The following SLC1A2 variants were observed in gnomAD, a reference collection of about 807,000 sequenced individuals.
The protein encoded by SLC1A2 is excitatory amino acid transporter 2.
Under a neutral mutation model 48.8 loss-of-function variants are expected in SLC1A2, and 15 were observed. The ratio of observed to expected loss-of-function variants is 0.31; its 90% CI spans 0.21 to 0.47. The LOEUF (loss-of-function observed/expected upper bound fraction) is 0.47, where lower values mean the gene tolerates loss of function less well. SLC1A2 is among the 20% of genes least tolerant of loss of function. SLC1A2 has a pLI of 0.99. For missense variants in SLC1A2, 502 were observed against 730.5 expected (o/e 0.69, Z 3.61); for synonymous variants, 279 against 272.6 (o/e 1.02, Z -0.23).
chr11:35,310,227 C>A (rs150495848), intron 4 of SLC1A2, among the ~76,000 whole-genome samples: 5 of 152,336 alleles, frequency 3.3e-5, no homozygotes, highest in African/African-American at 1.2e-4. Flanking sequence ...CCCTCCTATG[C>A]TCCACTCTCC....
chr11:35,382,688 T>C (rs772323915), intron 1 of SLC1A2, among the ~76,000 whole-genome samples: 1 of 151,760 alleles, frequency 6.6e-6, no homozygotes, highest in Non-Finnish European at 1.5e-5. Context: ...CCCAGCTACA[T>C]GGGAGGCTGA....
chr11:35,380,570 C>T (rs1854388696), intron 1 of SLC1A2: 1 of 396,062 alleles, frequency 2.5e-6, no homozygotes, highest in Non-Finnish European at 4.4e-6. Context: ...AACACTTTTG[C>T]TGTTTGTCTC....
intron 1 of SLC1A2, among the ~76,000 whole-genome samples, chr11:35,384,682 T>G (rs1854531377): frequency 6.6e-6 from 1 of 152,258 alleles, no homozygotes; most frequent in African/African-American, 2.4e-5. Flanking sequence ...TTCTGAATGT[T>G]CAGAAGATTC....
intron 6 of SLC1A2, among the ~76,000 whole-genome samples, chr11:35,301,171 C>T (rs1002057705): frequency 1.3e-5 from 2 of 152,192 alleles, no homozygotes; most frequent in Non-Finnish European, 2.9e-5. Flanking sequence ...CTTCCAGCCT[C>T]CAGAACCATA....
intron 6 of SLC1A2, 114 bp from the exon 7 acceptor site, chr11:35,292,634 G>C (rs1851047900): frequency 4.9e-6 from 3 of 612,638 alleles, no homozygotes; most frequent in Non-Finnish European, 8.4e-6. Context: ...TACAAAAAAA[G>C]ACTTTTGCTG....
At chr11:35,263,902 C>T (rs1950436737) in intron 10 of SLC1A2, 2 of 152,170 alleles carry the variant, frequency 1.3e-5, no homozygotes, top group South Asian at 4.1e-4. Flanking sequence ...TCTTACAAGG[C>T]ACACAATAAG....
intron 1 of SLC1A2, among the ~76,000 whole-genome samples, chr11:35,336,561 T>C (rs973450862): frequency 2.0e-5 from 3 of 152,178 alleles, no homozygotes; most frequent in African/African-American, 7.2e-5. Context: ...TATAAGCAAG[T>C]AGGAGGAAGG....
chr11:35,261,321 A>G (rs1176994248), intron 10 of SLC1A2, among the ~76,000 whole-genome samples: 4 of 152,242 alleles, frequency 2.6e-5, no homozygotes, highest in Admixed American at 2.6e-4. Context: ...ACAACCACAG[A>G]GGAAGAAATC....
Position 35,317,523 on chromosome 11 carries a change from C to G in SLC1A2, c.18-7G>C. On this transcript the variant is annotated splice_polypyrimidine_tract_variant and splice_region_variant and intron_variant, in intron 1 of 10. Transcript: ENST00000278379. ...CTTGGGCATATTGTTGGCACTGGAACAGAAGTGAAGGCAGAGATTAGAGAG... is the reference window on the plus strand; with the variant it reads ...CTTGGGCATATTGTTGGCACTGGAAGAGAAGTGAAGGCAGAGATTAGAGAG... 2 of 1,612,332 alleles carry G rather than the reference C, an allele frequency of 1.2e-6. No individual in the cohort carries two copies. The highest frequency in any genetic ancestry group is 1.7e-6 in the Non-Finnish European group (2 of 1,179,566).
chr11:35,310,058 G>C (rs2134853479), intron 4 of SLC1A2, among the ~76,000 whole-genome samples: 1 of 152,350 alleles, frequency 6.6e-6, no homozygotes, highest in African/African-American at 2.4e-5. Context: ...ATCCACCACA[G>C]CGCTCACCGA....
At chr11:35,340,080 C>T (rs1403784552) in intron 1 of SLC1A2, among the ~76,000 whole-genome samples, 1 of 152,114 alleles carries the variant, frequency 6.6e-6, no homozygotes, top group South Asian at 2.1e-4. Context: ...CTTTGTAATA[C>T]CAGCCATGCA....
chr11:35,268,664 A>G (rs1274692020), intron 9 of SLC1A2, among the ~76,000 whole-genome samples: 1 of 147,944 alleles, frequency 6.8e-6, no homozygotes, highest in African/African-American at 2.5e-5. Flanking sequence ...CTCTGCCTCA[A>G]AAAAAAAAAA....
At chr11:35,279,527 C>T (rs1850553258) in intron 9 of SLC1A2, among the ~76,000 whole-genome samples, 1 of 152,182 alleles carries the variant, frequency 6.6e-6, no homozygotes, top group African/African-American at 2.4e-5. Context: ...GCCTCAGTGC[C>T]TTTGTGCAGG....
chr11:35,275,044 T>G (rs764037776), intron 9 of SLC1A2, among the ~76,000 whole-genome samples: 6 of 152,222 alleles, frequency 3.9e-5, no homozygotes, highest in Non-Finnish European at 8.8e-5. Flanking sequence ...CAGAATCACC[T>G]GGGAACTTGC....
chr11:35,255,832 T>C lies in SLC1A2; in HGVS notation c.*5062A>G, dbSNP rs1234080821. The C allele has an allele frequency of 6.6e-6, 1 of 152,208 alleles. No homozygotes were observed. Among genetic ancestry groups the C allele is most frequent in the Non-Finnish European group, 1.5e-5 (1 of 68,030 alleles). The allele number at this position is 152,208 out of a possible 1,614,324, so 9.4% of individuals were successfully genotyped here. A position where few individuals can be genotyped will look rare whatever the true frequency, so the allele number is the denominator to read the frequency against. On this transcript the variant is annotated 3_prime_UTR_variant, in exon 11 of 11. Transcript: ENST00000278379. Reference sequence around the variant, plus strand: ...AAACTTTTATTGGTGTCTCAAAATATCAAACTGTGAATGAACATGGCCAAC... The same window carrying C: ...AAACTTTTATTGGTGTCTCAAAATACCAAACTGTGAATGAACATGGCCAAC...
chr11:35,354,836 A>C (rs959162225), intron 1 of SLC1A2, among the ~76,000 whole-genome samples: 3 of 152,222 alleles, frequency 2.0e-5, no homozygotes, highest in African/African-American at 7.2e-5. Context: ...ATGTGGACAC[A>C]AATAGATACC....
rs1360350564 is a variant in SLC1A2 at position 35,419,148 on chromosome 11, C to T, written c.-182G>A. ...CCTCAACGGGCGCAGGAGGCTCCTG[C>T]GGGCGCTAATCCGCGTCCCGGCTCT... On this transcript the variant is annotated 5_prime_UTR_variant, in exon 1 of 11. Coordinates refer to ENST00000278379, the MANE Select transcript of SLC1A2 (RefSeq NM_004171.4). This position sits in a 1 kb window ranked among gnomAD's most constrained non-coding sequence, Gnocchi z 5.4. 2 of 495,918 alleles carry T rather than the reference C, an allele frequency of 4.0e-6. No homozygotes were observed. The highest frequency in any genetic ancestry group is 8.1e-5 in the Admixed American group (2 of 24,692). The allele number at this position is 495,918 out of a possible 1,614,324, so 30.7% of individuals were successfully genotyped here. A position where few individuals can be genotyped will look rare whatever the true frequency, so the allele number is the denominator to read the frequency against.
chr11:35,262,133 G>T (rs1218007078), intron 10 of SLC1A2, among the ~76,000 whole-genome samples: 2 of 152,234 alleles, frequency 1.3e-5, no homozygotes, highest in Admixed American at 6.5e-5. Flanking sequence ...CAGCAAATTT[G>T]TTTCCCTTTC....
intron 1 of SLC1A2, among the ~76,000 whole-genome samples, chr11:35,416,605 T>C (rs1455802209): frequency 6.6e-6 from 1 of 152,240 alleles, no homozygotes; most frequent in East Asian, 1.9e-4. Flanking sequence ...CAGTTTCCCA[T>C]ATTATCCTAT....
Sources: allele counts gnomAD v4.1 joint callset (sites outside exome capture counted in the v4.1 genomes callset), GRCh38; gene constraint gnomAD v4.1.1; non-coding constraint Gnocchi (gnomAD v3.1); transcripts MANE v1.5; gene names NCBI Gene and HGNC (gene_info 2026-07-23, HGNC 2026-07-21).